The following FREM1 variants were observed in gnomAD, a reference collection of about 807,000 sequenced individuals.
The protein encoded by FREM1 is FRAS1-related extracellular matrix protein 1.
A neutral mutation model predicts 210.1 loss-of-function variants in FREM1; 220 were observed. That is an observed-to-expected ratio of 1.05 (90% CI 0.94 to 1.17). The LOEUF (loss-of-function observed/expected upper bound fraction) is 1.17, where lower values mean the gene tolerates loss of function less well. FREM1 is among the 50% of genes most tolerant of loss of function. FREM1 has a pLI of 0.00. For synonymous variants in FREM1, 1,189 were observed against 980.2 expected (o/e 1.21, Z -3.98); for missense variants, 3,454 against 2,675.5 (o/e 1.29, Z -6.42).
intron 9 of FREM1, among the ~76,000 whole-genome samples, chr9:14,841,912 A>C (rs575728942): frequency 6.6e-6 from 1 of 152,360 alleles, no homozygotes; most frequent in East Asian, 1.9e-4. Flanking sequence ...CAAACTCCGG[A>C]TCTACCTACT....
At chr9:14,739,595 C>T (rs961360815) in intron 36 of FREM1, among the ~76,000 whole-genome samples, 2 of 147,948 alleles carry the variant, frequency 1.4e-5, no homozygotes, top group Non-Finnish European at 3.0e-5. Context: ...ACACCACATG[C>T]ATATAATTGT....
intron 25 of FREM1, among the ~76,000 whole-genome samples, chr9:14,774,673 T>C (rs1249539254): frequency 6.6e-6 from 1 of 152,104 alleles, no homozygotes; most frequent in Admixed American, 6.6e-5. Context: ...GGTGAACTAC[T>C]TCCAAGGAGA....
intron 1 of FREM1, among the ~76,000 whole-genome samples, chr9:14,883,739 G>A (rs1386878019): frequency 6.6e-6 from 1 of 152,194 alleles, no homozygotes; most frequent in Non-Finnish European, 1.5e-5. Context: ...CTAATGGGAA[G>A]CCTAGCACAT....
chr9:14,798,244 C>T lies in FREM1; in HGVS notation c.3695-602G>A, dbSNP rs182112394. 5.5e-3 allele frequency among the ~76,000 whole-genome samples: 840 copies of T among 152,066 alleles called. 4 individuals are homozygous for T. Among genetic ancestry groups the T allele is most frequent in the African/African-American group, 0.019 (796 of 41,488 alleles). ...AAATATAAGTTTTAATATCAAGAAA[C>T]TGAAAACTATCTGGATATTTTAAAG... is the stretch of plus-strand genomic sequence containing the variant. On this transcript the variant is annotated intron_variant, in intron 20 of 36. Coordinates refer to ENST00000380880, the MANE Select transcript of FREM1 (RefSeq NM_001379081.2).
At chr9:14,889,061 G>A (rs910480564) in intron 1 of FREM1, among the ~76,000 whole-genome samples, 5 of 151,936 alleles carry the variant, frequency 3.3e-5, no homozygotes, top group Admixed American at 2.6e-4. Context: ...CCACTAGATG[G>A]GTGTACTATA....
intron 14 of FREM1, 59 bp downstream of exon 14, chr9:14,819,175 C>T: frequency 2.4e-6 from 3 of 1,261,936 alleles, no homozygotes; most frequent in East Asian, 2.4e-5. Flanking sequence ...CTCTGCCTCA[C>T]AACTGATCTA....
rs760089806 is a variant in FREM1, at chr9:14,805,150, A to C, written c.3277T>G (p.Ser1093Ala). 1 of 1,542,608 alleles carries C rather than the reference A, an allele frequency of 6.5e-7. No individual in the cohort carries two copies. Among genetic ancestry groups the C allele is most frequent in the Admixed American group, 2.0e-5 (1 of 50,482 alleles). ...GCGTTCATGTCTTTCCACTGAAATG[A>C]ATCTAGAGCACACCAAGATGGAACA... ...EKSNIGISID[S>A]FQWKDMNAFH... Residue 1093 changes from serine to alanine, a missense_variant and splice_region_variant, in exon 19 of 37, where the codon TCA becomes GCA. By Grantham distance (99) the Ser-to-Ala change is moderately conservative. Coordinates refer to ENST00000380880, the MANE Select transcript of FREM1 (RefSeq NM_001379081.2).
At chr9:14,797,415 G>A in intron 21 of FREM1, 83 bp downstream of exon 21, 2 of 1,104,854 alleles carry the variant, frequency 1.8e-6, no homozygotes, top group Non-Finnish European at 2.5e-6. Context: ...TTCTTTGGGA[G>A]ACACACACAC....
At position 14,756,438 on chromosome 9, in the gene FREM1, T is replaced by A. The variant is rs1437512861; in HGVS notation, c.5343A>T (p.Gln1781His). The change falls in exon 29 of 37, where the codon CAA (glutamine) becomes CAT (histidine). Residue 1781 changes from glutamine to histidine, a missense_variant. Gln to His is a conservative substitution (Grantham distance 24). Coordinates refer to ENST00000380880, the MANE Select transcript of FREM1 (RefSeq NM_001379081.2). Reference sequence around the variant, plus strand: ...AATCTTTTCCAACTGCAGCTGACACTTGGTTGACCTTAGGAGGGAAAAAAA... The same window carrying A: ...AATCTTTTCCAACTGCAGCTGACACATGGTTGACCTTAGGAGGGAAAAAAA... ...DSAFVGIKVN[Q>H]VSAAVGKDFT... is the part of the protein sequence containing the mutation. 1.3e-6 allele frequency: 2 copies of A among 1,596,100 alleles called. No individual in the cohort carries two copies. Among genetic ancestry groups the A allele is most frequent in the Admixed American group, 1.7e-5 (1 of 58,280 alleles).
At chr9:14,827,995 A>T (rs1205092547) in intron 10 of FREM1, among the ~76,000 whole-genome samples, 1 of 152,262 alleles carries the variant, frequency 6.6e-6, no homozygotes. Flanking sequence ...TTAGATTTCA[A>T]GAGATGCCTC....
intron 10 of FREM1, among the ~76,000 whole-genome samples, chr9:14,837,194 GC>G (rs974643775): frequency 2.0e-5 from 3 of 152,162 alleles, no homozygotes; most frequent in African/African-American, 7.2e-5. Context: ...GGGAGGACCA[GC>G]TTTTTCGCGG....
At chr9:14,878,767 A>G (rs1834248711) in intron 1 of FREM1, among the ~76,000 whole-genome samples, 1 of 152,236 alleles carries the variant, frequency 6.6e-6, no homozygotes, top group African/African-American at 2.4e-5. Context: ...AATATTTGTT[A>G]ACTAAGTGAA....
intron 12 of FREM1, 92 bp from the exon 13 acceptor site, chr9:14,823,419 T>C (rs373552480): frequency 4.0e-5 from 45 of 1,121,214 alleles, no homozygotes; most frequent in Middle Eastern, 2.1e-4. Context: ...TTAATTGATA[T>C]TGAACACTGT....
intron 25 of FREM1, among the ~76,000 whole-genome samples, chr9:14,771,133 C>T (rs12554546): frequency 6.6e-6 from 1 of 152,102 alleles, no homozygotes; most frequent in Non-Finnish European, 1.5e-5. Flanking sequence ...GGCACAGTGC[C>T]TGAACCATAA....
intron 16 of FREM1, among the ~76,000 whole-genome samples, chr9:14,810,290 T>C (rs1819164629): frequency 6.6e-6 from 1 of 152,292 alleles, no homozygotes; most frequent in African/African-American, 2.4e-5. Flanking sequence ...ACAATTTCTC[T>C]ATAATGGAAG....
chr9:14,853,141 T>C (rs1420648114), intron 5 of FREM1, among the ~76,000 whole-genome samples: 1 of 152,216 alleles, frequency 6.6e-6, no homozygotes, highest in Non-Finnish European at 1.5e-5. Context: ...AATGTGTTTC[T>C]TGCAGTTGAA....
At chr9:14,845,196 A>ACTAT (rs1385112640) in intron 8 of FREM1, among the ~76,000 whole-genome samples, 7 of 152,338 alleles carry the variant, frequency 4.6e-5, no homozygotes, top group Middle Eastern at 3.4e-3. Flanking sequence ...TACCTTGTTA[A>ACTAT]CTATCATCCC....
intron 20 of FREM1, 105 bp from the exon 21 acceptor site, chr9:14,797,747 T>C: frequency 3.1e-6 from 3 of 965,342 alleles, no homozygotes; most frequent in Non-Finnish European, 4.8e-6. Flanking sequence ...TTAGCAAGAG[T>C]TCATTTATCA....
intron 17 of FREM1, 28 bp downstream of exon 17, chr9:14,807,912 G>C: frequency 6.5e-7 from 1 of 1,534,564 alleles, no homozygotes; most frequent in Non-Finnish European, 9.0e-7. Flanking sequence ...TCAGACAATA[G>C]TACTGGAACA....
Sources: gnomAD v4.1 joint callset for allele counts (sites outside exome capture counted in the v4.1 genomes callset) on GRCh38, gnomAD v4.1.1 for gene constraint, MANE v1.5 for transcripts, NCBI Gene and HGNC (gene_info 2026-07-23, HGNC 2026-07-21) for gene names.